Variants in AKT3 observed in about 807,000 individuals in gnomAD.
The protein encoded by AKT3 is AKT serine/threonine kinase 3, also known as RAC-gamma serine/threonine-protein kinase.
In AKT3, 15 loss-of-function variants were observed where a neutral mutation model predicts 65.3. That is an observed-to-expected ratio of 0.23 (90% CI 0.15 to 0.35). The LOEUF is 0.35. Among genes scored for constraint, AKT3 ranks in the 10% least tolerant of loss-of-function variants. The probability of loss-of-function intolerance (pLI) is 1.00; values close to 1 mark genes in which losing one functional copy is unlikely to be tolerated. For synonymous variants in AKT3, 206 were observed against 183.8 expected (o/e 1.12, Z -0.98); for missense variants, 243 against 576.5 (o/e 0.42, Z 5.92).
At chr1:243,545,008 A>G (rs979424786) in intron 12 of AKT3, among the ~76,000 whole-genome samples, 1 of 152,022 alleles carries the variant, frequency 6.6e-6, no homozygotes, top group Admixed American at 6.6e-5. Flanking sequence ...TAGTAGTATT[A>G]ATTTTGTGGG....
intron 12 of AKT3, among the ~76,000 whole-genome samples, chr1:243,523,820 G>C (rs572638799): frequency 6.6e-6 from 1 of 152,334 alleles, no homozygotes; most frequent in East Asian, 1.9e-4. Context: ...CTACTAAACT[G>C]TAAGCAACCG....
chr1:243,693,063 T>C (rs1248619941), intron 3 of AKT3, among the ~76,000 whole-genome samples: 2 of 151,240 alleles, frequency 1.3e-5, no homozygotes, highest in Non-Finnish European at 2.9e-5. Flanking sequence ...CAATTCAAAA[T>C]TTAATTAAGA....
At chr1:243,844,977 C>T (rs543073811) in intron 1 of AKT3, among the ~76,000 whole-genome samples, 166 of 152,230 alleles carry the variant, frequency 1.1e-3, no homozygotes, top group Middle Eastern at 0.01. Flanking sequence ...AGAATCATAT[C>T]ATAAATTTTA....
At chr1:243,559,924 T>C (rs1227252809) in intron 10 of AKT3, among the ~76,000 whole-genome samples, 1 of 152,234 alleles carries the variant, frequency 6.6e-6, no homozygotes, top group East Asian at 1.9e-4. Flanking sequence ...AGACACCATC[T>C]GAGGTAAAAG....
intron 12 of AKT3, among the ~76,000 whole-genome samples, chr1:243,539,466 T>C (rs1249785447): frequency 1.3e-5 from 2 of 152,122 alleles, no homozygotes; most frequent in Admixed American, 1.3e-4. Flanking sequence ...GTTAAGTTTC[T>C]AGGAAGTCAA....
intron 8 of AKT3, among the ~76,000 whole-genome samples, chr1:243,582,458 AAAAAAAAAAAAAAG>A (rs1675441789): frequency 9.6e-6 from 1 of 104,238 alleles, no homozygotes; most frequent in South Asian, 4.2e-4. Flanking sequence ...AAAAAAAAAA[AAAAAAAAAAAAAAG>A]AAATTCCAAC....
intron 1 of AKT3, among the ~76,000 whole-genome samples, chr1:243,845,051 A>G (rs1274798179): frequency 1.3e-5 from 2 of 152,236 alleles, no homozygotes; most frequent in African/African-American, 4.8e-5. Flanking sequence ...TTTGTGATAA[A>G]TGATACATAG....
intron 2 of AKT3, among the ~76,000 whole-genome samples, chr1:243,808,788 G>A (rs1052950473): frequency 5.9e-5 from 9 of 152,138 alleles, no homozygotes; most frequent in African/African-American, 1.4e-4. Context: ...GAGAAAGGTC[G>A]GGTTACCCAC....
At chr1:243,808,214 A>G (rs1015002027) in intron 2 of AKT3, 2 of 152,324 alleles carry the variant, frequency 1.3e-5, no homozygotes, top group East Asian at 1.9e-4. Flanking sequence ...AGAAGGCTTC[A>G]GACAATCAAA....
At chr1:243,769,296 C>A (rs931785667) in intron 2 of AKT3, among the ~76,000 whole-genome samples, 1 of 152,154 alleles carries the variant, frequency 6.6e-6, no homozygotes, top group Non-Finnish European at 1.5e-5. Flanking sequence ...TTTTGTACAA[C>A]CATATGACTT....
chr1:243,508,082 T>G (rs1669782482), intron 13 of AKT3, among the ~76,000 whole-genome samples: 1 of 152,344 alleles, frequency 6.6e-6, no homozygotes, highest in Non-Finnish European at 1.5e-5. Context: ...ACAAAACCTC[T>G]GTGTGTTAGC....
chr1:243,586,859 C>T (rs1225746032), intron 8 of AKT3, among the ~76,000 whole-genome samples: 2 of 151,308 alleles, frequency 1.3e-5, no homozygotes, highest in African/African-American at 2.4e-5. Flanking sequence ...GCACAAGTAC[C>T]TTCTTGAATT....
intron 13 of AKT3, among the ~76,000 whole-genome samples, chr1:243,508,963 C>A (rs574690285): frequency 6.6e-6 from 1 of 151,992 alleles, no homozygotes; most frequent in African/African-American, 2.4e-5. Context: ...TGCACCACTG[C>A]GCCTAGACAA....
Position 243,737,246 on chromosome 1 carries a change from T to G in AKT3, c.47-41530A>C, listed in dbSNP as rs143433013. Among the ~76,000 whole-genome samples, 591 of 152,322 alleles carry G rather than the reference T, an allele frequency of 3.9e-3. 4 individuals are homozygous for G. Among genetic ancestry groups the G allele is most frequent in the African/African-American group, 0.013 (560 of 41,578 alleles). ...TATTTCTCTGTGCCTCATACTCATC[T>G]GCAAAATGGGGGTGATAGCGCTTTC... On this transcript the variant is annotated intron_variant, in intron 2 of 13. Transcript: ENST00000673466.
intron 2 of AKT3, among the ~76,000 whole-genome samples, chr1:243,838,826 A>C (rs1370260150): frequency 6.6e-6 from 1 of 152,206 alleles, no homozygotes; most frequent in Non-Finnish European, 1.5e-5. Flanking sequence ...AAGAAAACTA[A>C]GGGAAAAAGT....
chr1:243,490,410 G>C (rs1016513951), intron 13 of AKT3, among the ~76,000 whole-genome samples: 5 of 152,218 alleles, frequency 3.3e-5, no homozygotes, highest in African/African-American at 1.2e-4. Flanking sequence ...CTCCATGGCA[G>C]GGCCCTGGAA....
chr1:243,752,462 A>G (rs898853880), intron 2 of AKT3, among the ~76,000 whole-genome samples: 2 of 152,226 alleles, frequency 1.3e-5, no homozygotes, highest in Middle Eastern at 3.2e-3. Flanking sequence ...ATTTCACATA[A>G]TAATAGGTTT....
At chr1:243,719,737 G>C (rs369536262) in intron 2 of AKT3, among the ~76,000 whole-genome samples, 20 of 152,114 alleles carry the variant, frequency 1.3e-4, no homozygotes, top group African/African-American at 4.8e-4. Flanking sequence ...GAAGGGAAGA[G>C]AGAAAGAACA....
chr1:243,846,274 T>G (rs954134869), intron 1 of AKT3, among the ~76,000 whole-genome samples: 1 of 152,164 alleles, frequency 6.6e-6, no homozygotes, highest in Non-Finnish European at 1.5e-5. Context: ...GATTCCAATA[T>G]ACATGTAAAA....
Sources: allele counts gnomAD v4.1 joint callset (sites outside exome capture counted in the v4.1 genomes callset), GRCh38; gene constraint gnomAD v4.1.1; transcripts MANE v1.5; gene names NCBI Gene and HGNC (gene_info 2026-07-23, HGNC 2026-07-21).